Variants in RCAN1 observed in about 807,000 individuals in gnomAD.
RCAN1 encodes regulator of calcineurin 1.
RCAN1 carries 11 observed loss-of-function variants against 22.9 expected under a neutral mutation model. The ratio of observed to expected loss-of-function variants is 0.48; its 90% CI spans 0.30 to 0.79. RCAN1 has a LOEUF of 0.79. Ranked by LOEUF, RCAN1 falls within the 30% of genes least tolerant of loss-of-function variation. RCAN1 has a pLI of 0.06. For missense variants in RCAN1, 291 were observed against 337.8 expected (o/e 0.86, Z 1.09); for synonymous variants, 136 against 142.3 (o/e 0.96, Z 0.32).
chr21:34,552,262 G>A (rs1056838307), intron 1 of RCAN1, among the ~76,000 whole-genome samples: 5 of 135,522 alleles, frequency 3.7e-5, no homozygotes, highest in Admixed American at 7.2e-5. Flanking sequence ...TGCCAGAAAC[G>A]CAGAATCTAG....
intron 1 of RCAN1, among the ~76,000 whole-genome samples, chr21:34,533,736 G>A (rs1002592441): frequency 2.6e-5 from 4 of 152,246 alleles, no homozygotes; most frequent in African/African-American, 9.6e-5. Context: ...GCGCGGAGGG[G>A]CAGAAAAGCT....
intron 1 of RCAN1, among the ~76,000 whole-genome samples, chr21:34,580,369 G>A (rs1445895625): frequency 6.6e-6 from 1 of 152,216 alleles, no homozygotes; most frequent in African/African-American, 2.4e-5. Context: ...CCTTCCTGAG[G>A]CCCTGGCTGA....
chr21:34,594,732 T>C (rs569073217), intron 1 of RCAN1, among the ~76,000 whole-genome samples: 45 of 152,208 alleles, frequency 3.0e-4, no homozygotes, highest in African/African-American at 1.0e-3. Context: ...CAGAGATCAG[T>C]GTTAGGAGTC....
intron 1 of RCAN1, among the ~76,000 whole-genome samples, chr21:34,588,108 T>C (rs1987859864): frequency 6.6e-6 from 1 of 152,244 alleles, no homozygotes; most frequent in Admixed American, 6.5e-5. Context: ...TTTCCCTATA[T>C]ACATATACAT....
In RCAN1 at chr21:34,518,099, C is replaced by A. The variant is rs773100015; in HGVS notation, c.744G>T (p.Pro248=). 6.2e-7 allele frequency: 1 copy of A among 1,614,150 alleles called. No individual in the cohort carries two copies. The highest frequency in any genetic ancestry group is 8.5e-7 in the Non-Finnish European group (1 of 1,180,030). ...GCGTGCCAGTTCAGCTGAGGTGGAT[C>A]GGCGTGTACTCCGGCCTCCTGGTCT... ...IIQTRRPEYT[P]IHLS is the part of the protein sequence containing the mutation. The change falls in exon 4 of 4, where the codon CCG becomes CCT. Residue 248 remains proline (P), a synonymous_variant. Coordinates refer to ENST00000313806, the MANE Select transcript of RCAN1 (RefSeq NM_004414.7). The surrounding 1 kb of genome is among the most constrained non-coding windows in gnomAD (Gnocchi z 4.2).
chr21:34,535,296 GGGCAATCA>G (rs1985617302), intron 1 of RCAN1, among the ~76,000 whole-genome samples: 1 of 152,100 alleles, frequency 6.6e-6, no homozygotes, highest in Non-Finnish European at 1.5e-5. Context: ...TTCACTTTTA[GGGCAATCA>G]GGAAATGGGC....
At chr21:34,519,697 T>G (rs113333866) in intron 3 of RCAN1, among the ~76,000 whole-genome samples, 5,909 of 152,132 alleles carry the variant, frequency 0.039, 256 homozygotes, top group African/African-American at 0.1. Flanking sequence ...GCGCCCGGCC[T>G]GTGCTTGGGA....
rs1254610631 is a variant in RCAN1, at chr21:34,614,736, C to A, written c.252+24G>T. 4 of 1,407,892 alleles carry A rather than the reference C, an allele frequency of 2.8e-6. No individual in the cohort carries two copies. Among genetic ancestry groups the A allele is most frequent in the Non-Finnish European group, 3.7e-6 (4 of 1,074,944 alleles). The allele number at this position is 1,407,892 out of a possible 1,614,324, so 87.2% of individuals were successfully genotyped here. The stretch of plus-strand genomic sequence containing the variant: ...AACAAGTGTCCGCCCTCCGCCCCGA[C>A]GGCCCGCCCGGCGCGGTCCTCACCC... On this transcript the variant is annotated intron_variant, in intron 1 of 3. Coordinates refer to ENST00000313806, the MANE Select transcript of RCAN1 (RefSeq NM_004414.7). This position sits in a 1 kb window ranked among gnomAD's most constrained non-coding sequence, Gnocchi z 6.0.
At chr21:34,589,753 G>A (rs1319656818) in intron 1 of RCAN1, among the ~76,000 whole-genome samples, 2 of 151,994 alleles carry the variant, frequency 1.3e-5, no homozygotes, top group African/African-American at 2.4e-5. Flanking sequence ...CCTGAGCTGG[G>A]ACAGCTCATC....
At chr21:34,577,974 C>T (rs571227407) in intron 1 of RCAN1, among the ~76,000 whole-genome samples, 2 of 152,208 alleles carry the variant, frequency 1.3e-5, no homozygotes, top group East Asian at 1.9e-4. Flanking sequence ...GCGGCATGAC[C>T]GAGGGGACAG....
At chr21:34,551,272 C>T (rs1392249746) in intron 1 of RCAN1, among the ~76,000 whole-genome samples, 1 of 152,092 alleles carries the variant, frequency 6.6e-6, no homozygotes, top group African/African-American at 2.4e-5. Flanking sequence ...AGGTCTGTGG[C>T]TGGCTTCTAA....
At chr21:34,537,529 C>T (rs1278010747) in intron 1 of RCAN1, among the ~76,000 whole-genome samples, 2 of 152,218 alleles carry the variant, frequency 1.3e-5, no homozygotes, top group Admixed American at 1.3e-4. Flanking sequence ...GCAGATGCCC[C>T]TTGTTGGGGA....
intron 1 of RCAN1, among the ~76,000 whole-genome samples, chr21:34,527,267 G>A (rs568244994): frequency 3.0e-4 from 46 of 152,274 alleles, no homozygotes; most frequent in African/African-American, 1.1e-3. Context: ...AAGGCTTTGG[G>A]AAACCTGGAA....
chr21:34,572,070 G>T (rs1987253259), intron 1 of RCAN1, among the ~76,000 whole-genome samples: 1 of 152,122 alleles, frequency 6.6e-6, no homozygotes, highest in Non-Finnish European at 1.5e-5. Flanking sequence ...ACGGTAGGAT[G>T]GAAAATCTGC....
intron 1 of RCAN1, among the ~76,000 whole-genome samples, chr21:34,575,588 T>A (rs896182114): frequency 6.6e-6 from 1 of 152,158 alleles, no homozygotes; most frequent in African/African-American, 2.4e-5. Context: ...AGTGTTACGA[T>A]CATGGCTCAC....
intron 3 of RCAN1, among the ~76,000 whole-genome samples, chr21:34,519,063 C>T (rs74535645): frequency 0.035 from 5,285 of 152,256 alleles, 198 homozygotes; most frequent in East Asian, 0.094. Flanking sequence ...GGCTCATGGG[C>T]ACTTTATTCT....
At chr21:34,557,944 T>C (rs1986641771) in intron 1 of RCAN1, among the ~76,000 whole-genome samples, 1 of 152,188 alleles carries the variant, frequency 6.6e-6, no homozygotes, top group East Asian at 1.9e-4. Flanking sequence ...ATGTTGTGCT[T>C]AATTCTCTTG....
intron 1 of RCAN1, chr21:34,525,188 G>C: frequency 1.9e-6 from 3 of 1,550,230 alleles, no homozygotes; most frequent in Non-Finnish European, 2.6e-6. Context: ...TAGCAAGCGC[G>C]GGGAGGCACT....
chr21:34,555,654 T>G (rs1986533156), intron 1 of RCAN1, among the ~76,000 whole-genome samples: 1 of 151,904 alleles, frequency 6.6e-6, no homozygotes, highest in South Asian at 2.1e-4. Context: ...GAGGATTCCA[T>G]GTACTGATCA....
Sources: gnomAD v4.1 joint callset for allele counts (sites outside exome capture counted in the v4.1 genomes callset) on GRCh38, gnomAD v4.1.1 for gene constraint, Gnocchi (gnomAD v3.1) non-coding constraint, MANE v1.5 for transcripts, NCBI Gene and HGNC (gene_info 2026-07-23, HGNC 2026-07-21) for gene names.